The following TCP11L2 variants were observed in gnomAD, a reference collection of about 807,000 sequenced individuals.
TCP11L2 encodes the protein t-complex 11 like 2, also known as T-complex protein 11-like protein 2.
Under a neutral mutation model 50.7 loss-of-function variants are expected in TCP11L2, and 39 were observed. The ratio of observed to expected loss-of-function variants is 0.77; its 90% CI spans 0.60 to 1.01. The LOEUF is 1.01. Among genes scored for constraint, TCP11L2 ranks in the 50% least tolerant of loss-of-function variants. The pLI is 0.00. For missense variants in TCP11L2, 612 were observed against 614.7 expected (o/e 1.00, Z 0.05); for synonymous variants, 192 against 219.3 (o/e 0.88, Z 1.10).
intron 8 of TCP11L2, among the ~76,000 whole-genome samples, chr12:106,337,234 A>C (rs368696733): frequency 5.9e-5 from 9 of 152,288 alleles, no homozygotes; most frequent in African/African-American, 2.2e-4. Flanking sequence ...CCTATTATTC[A>C]GAGAGCATAT....
rs919980284 is a variant in TCP11L2 at position 106,339,144 on chromosome 12, CAAAAG to C, written c.1143-1667_1143-1663del. Among the ~76,000 whole-genome samples the C allele has an allele frequency of 3.3e-5, 5 of 151,746 alleles. No homozygotes were observed. The East Asian group carries it at 9.6e-4, about 29-fold the overall frequency. On this transcript the variant is annotated intron_variant, in intron 8 of 9. Coordinates refer to ENST00000299045, the MANE Select transcript of TCP11L2 (RefSeq NM_152772.3). ...TGGGTGACGGAGTGAGACTCCGTCTCAAAAGAAAAGAAAAGAAAAAAATAGCCATT... is the reference window on the plus strand; with the variant it reads ...TGGGTGACGGAGTGAGACTCCGTCTCAAAAGAAAAGAAAAAAATAGCCATT...
At chr12:106,330,403 G>A (rs904903097) in intron 6 of TCP11L2, 2 of 744,878 alleles carry the variant, frequency 2.7e-6, no homozygotes, top group South Asian at 6.0e-5. Context: ...GGCCATGTCT[G>A]GAGACACTTG....
intron 1 of TCP11L2, among the ~76,000 whole-genome samples, chr12:106,310,429 G>C (rs776115225): frequency 9.2e-5 from 14 of 152,274 alleles, no homozygotes; most frequent in Non-Finnish European, 1.9e-4. Flanking sequence ...GGTTTCATGC[G>C]GTCTTCCCCT....
intron 6 of TCP11L2, among the ~76,000 whole-genome samples, chr12:106,332,350 A>G (rs940278558): frequency 4.6e-5 from 7 of 152,356 alleles, no homozygotes; most frequent in African/African-American, 1.7e-4. Context: ...AAACCTATAC[A>G]TAAATATTCG....
At chr12:106,309,385 A>T (rs2034760502) in intron 1 of TCP11L2, among the ~76,000 whole-genome samples, 1 of 151,406 alleles carries the variant, frequency 6.6e-6, no homozygotes, top group African/African-American at 2.4e-5. Flanking sequence ...TCTCCACTCC[A>T]CTCCTTGCCC....
At chr12:106,326,174 A>T (rs1247247169) in intron 6 of TCP11L2, among the ~76,000 whole-genome samples, 1 of 152,174 alleles carries the variant, frequency 6.6e-6, no homozygotes, top group Non-Finnish European at 1.5e-5. Flanking sequence ...CTGCCGAGAT[A>T]ATCAACACAA....
At chr12:106,326,516 A>T (rs2035551673) in intron 6 of TCP11L2, among the ~76,000 whole-genome samples, 1 of 152,202 alleles carries the variant, frequency 6.6e-6, no homozygotes, top group Non-Finnish European at 1.5e-5. Context: ...AGTGCTAGCT[A>T]ACATTTTGTA....
At chr12:106,318,896 A>ATT (rs1181792658) in intron 4 of TCP11L2, among the ~76,000 whole-genome samples, 6 of 85,500 alleles carry the variant, frequency 7.0e-5, no homozygotes, top group East Asian at 1.2e-3. Context: ...ATTTTATTTT[A>ATT]TTTTTTTTTT....
rs2035652449 is a variant in TCP11L2 at position 106,328,998 on chromosome 12, A to G, written c.772+5352A>G. 2.6e-5 allele frequency among the ~76,000 whole-genome samples: 4 copies of G among 152,280 alleles called. No homozygotes were observed. In the South Asian group the frequency reaches 8.3e-4, roughly 32 times the overall value. ...GGGGCCTCTGAATTGAGACTCACAAAAGAAAACATGGAACCAGAGGAAATG... is the reference window on the plus strand; with the variant it reads ...GGGGCCTCTGAATTGAGACTCACAAGAGAAAACATGGAACCAGAGGAAATG... On this transcript the variant is annotated intron_variant, in intron 6 of 9. Transcript: ENST00000299045.
chr12:106,303,589 C>A (rs901282568), intron 1 of TCP11L2: 1 of 152,296 alleles, frequency 6.6e-6, no homozygotes, highest in Admixed American at 6.5e-5. Flanking sequence ...GGCTCGAACG[C>A]TGAACCCTCA....
chr12:106,341,305 C>A (rs1213882059), intron 9 of TCP11L2, among the ~76,000 whole-genome samples: 1 of 152,108 alleles, frequency 6.6e-6, no homozygotes. Context: ...AACCAGCTGG[C>A]AGTATGTTCA....
At chr12:106,334,991 A>G (rs376618773) in intron 6 of TCP11L2, among the ~76,000 whole-genome samples, 45 of 152,158 alleles carry the variant, frequency 3.0e-4, no homozygotes, top group Middle Eastern at 3.4e-3. Flanking sequence ...CCCCATTCCC[A>G]TCGCTGGTGT....
intron 8 of TCP11L2, among the ~76,000 whole-genome samples, chr12:106,336,975 G>T (rs756186227): frequency 6.6e-5 from 10 of 152,162 alleles, no homozygotes; most frequent in Non-Finnish European, 1.2e-4. Context: ...GAAGATTTTG[G>T]TTTTTGCTAA....
chr12:106,311,039 A>T lies in TCP11L2; in HGVS notation c.-35-2A>T. ...TGACGCAGGGTCTGTTTGTCTGTGC[A>T]GGTGCTACCTTTTTACCCACACTTA... On this transcript the variant is annotated splice_acceptor_variant, in intron 1 of 9. Coordinates refer to ENST00000299045, the MANE Select transcript of TCP11L2 (RefSeq NM_152772.3). LOFTEE classifies it low-confidence loss of function (5UTR_SPLICE). The T allele has an allele frequency of 6.2e-7, 1 of 1,608,952 alleles. No individual in the cohort carries two copies. The highest frequency in any genetic ancestry group is 8.5e-7 in the Non-Finnish European group (1 of 1,177,086).
chr12:106,314,493 G>T lies in TCP11L2; in HGVS notation c.293G>T (p.Ser98Ile). 1 of 1,605,532 alleles carries T rather than the reference G, an allele frequency of 6.2e-7. No individual in the cohort carries two copies. The highest frequency in any genetic ancestry group is 8.5e-7 in the Non-Finnish European group (1 of 1,175,168). Residue 98 changes from serine (S) to isoleucine (I), a missense_variant and splice_region_variant, in exon 3 of 10, where the codon AGT becomes ATT. Coordinates refer to ENST00000299045, the MANE Select transcript of TCP11L2 (RefSeq NM_152772.3). ...QLKQEALPEK[S>I]LAGRVKHIVH... ...AAACAAGAGGCTCTCCCAGAAAAGA[G>T]GTAACCTGGGGGCATTTGTTGTATA...
intron 2 of TCP11L2, among the ~76,000 whole-genome samples, chr12:106,313,397 A>G (rs2034932909): frequency 6.6e-6 from 1 of 152,130 alleles, no homozygotes; most frequent in Admixed American, 6.5e-5. Flanking sequence ...CCTGGCCAAC[A>G]TGGCGAAACA....
chr12:106,311,027 G>C lies in TCP11L2; in HGVS notation c.-35-14G>C, dbSNP rs774038951. ...ACCACAGAACATTGACGCAGGGTCT[G>C]TTTGTCTGTGCAGGTGCTACCTTTT... On this transcript the variant is annotated splice_polypyrimidine_tract_variant and intron_variant, in intron 1 of 9. Coordinates refer to ENST00000299045, the MANE Select transcript of TCP11L2 (RefSeq NM_152772.3). The C allele has an allele frequency of 1.9e-6, 3 of 1,597,766 alleles. No individual in the cohort carries two copies. Among genetic ancestry groups the C allele is most frequent in the Admixed American group, 3.4e-5 (2 of 59,300 alleles).
intron 3 of TCP11L2, among the ~76,000 whole-genome samples, chr12:106,317,370 G>T (rs976995737): frequency 2.0e-5 from 3 of 152,188 alleles, no homozygotes; most frequent in Non-Finnish European, 4.4e-5. Context: ...ACAAAAATTA[G>T]CTGGGTGTGG....
Position 106,344,680 on chromosome 12 carries a change from A to G in TCP11L2, c.1316-1606A>G, listed in dbSNP as rs539481317. ...AATTTTAGTAGTATCATAGTTGTCT[A>G]TATTCAATGTGGCATATTTTCCTTA... On this transcript the variant is annotated intron_variant, in intron 9 of 9. Transcript: ENST00000299045. Among the ~76,000 whole-genome samples, 90 of 152,330 alleles carry G rather than the reference A, an allele frequency of 5.9e-4. 1 individual carries two copies. The highest frequency in any genetic ancestry group is 2.0e-3 in the African/African-American group (83 of 41,580).
Sources: gnomAD v4.1 joint callset for allele counts (sites outside exome capture counted in the v4.1 genomes callset) on GRCh38, gnomAD v4.1.1 for gene constraint, MANE v1.5 for transcripts, NCBI Gene and HGNC (gene_info 2026-07-23, HGNC 2026-07-21) for gene names.